The following KIR3DL1 variants were observed in gnomAD, a reference collection of about 807,000 sequenced individuals.
KIR3DL1 encodes the protein killer cell immunoglobulin-like receptor 3DL1.
Under a neutral mutation model 40.3 loss-of-function variants are expected in KIR3DL1, and 50 were observed. That is an observed-to-expected ratio of 1.24 (90% confidence interval 0.99 to 1.57). KIR3DL1 has a LOEUF of 1.57. KIR3DL1 is among the 40% of genes most tolerant of loss of function. KIR3DL1 has a pLI of 0.00. For missense variants in KIR3DL1, 661 were observed against 559.9 expected (o/e 1.18, Z -1.82); for synonymous variants, 257 against 207.2 (o/e 1.24, Z -2.07).
At chr19:54,818,926 A>G (rs62124095) in intron 3 of KIR3DL1, among the ~76,000 whole-genome samples, 28,770 of 146,476 alleles carry the variant, frequency 0.2, 3,144 homozygotes, top group South Asian at 0.31. Flanking sequence ...ACAAGGGTCC[A>G]CATGAGAGGT....
At chr19:54,822,962 C>T (rs2061711351) in intron 5 of KIR3DL1, among the ~76,000 whole-genome samples, 3 of 148,874 alleles carry the variant, frequency 2.0e-5, no homozygotes, top group East Asian at 2.0e-4. Context: ...GATATCACTT[C>T]GATACACTGA....
intron 6 of KIR3DL1, among the ~76,000 whole-genome samples, chr19:54,829,006 G>A (rs73618345): frequency 1.4e-5 from 2 of 141,910 alleles, no homozygotes; most frequent in South Asian, 2.5e-4. Flanking sequence ...AACTAATAGA[G>A]AGGGAACTTG....
At chr19:54,830,189 A>G in exon 9 of KIR3DL1, 2 of 1,524,614 alleles carry the variant, frequency 1.3e-6, no homozygotes, top group Non-Finnish European at 1.8e-6. Context: ...CCCTTCTCAG[A>G]GGCCCAAGAC....
chr19:54,829,285 A>G lies in KIR3DL1; in HGVS notation c.1001-76A>G. On this transcript the variant is annotated intron_variant, in intron 6 of 8. Transcript: ENST00000391728. ...GAGATGCTGTAAGTGGTTACCTGTC[A>G]ATCAAGAAATGCAAGACAATTCATA... 2.5e-6 allele frequency: 3 copies of G among 1,219,326 alleles called. 1 individual carries two copies. Among genetic ancestry groups the G allele is most frequent in the Non-Finnish European group, 1.2e-6 (1 of 861,692 alleles). 75.5% of individuals were successfully genotyped at this position (1,219,326 alleles called of 1,614,324 possible).
In KIR3DL1 at chr19:54,830,340, G is replaced by A; in HGVS notation, c.*65G>A. On this transcript the variant is annotated 3_prime_UTR_variant, in exon 9 of 9. Transcript: ENST00000391728. ...AACAGCCCTGTCTCAAAACCGAGTT[G>A]CCAGCTCCCATGTACCAGCAGCTGG... 1.4e-6 allele frequency: 2 copies of A among 1,458,838 alleles called. 1 individual carries two copies. 90.4% of individuals were successfully genotyped at this position (1,458,838 alleles called of 1,614,324 possible). A position where few individuals can be genotyped will look rare whatever the true frequency, so the allele number is the denominator to read the frequency against.
chr19:54,818,463 C>T (rs568050080), exon 3 of KIR3DL1: 13 of 1,608,520 alleles, frequency 8.1e-6, no homozygotes, highest in Middle Eastern at 3.3e-4. Flanking sequence ...TCTTCCATGG[C>T]AGAATATTCC....
At chr19:54,820,695 G>A (rs1448670699) in intron 4 of KIR3DL1, among the ~76,000 whole-genome samples, 3 of 151,170 alleles carry the variant, frequency 2.0e-5, no homozygotes, top group African/African-American at 4.9e-5. Flanking sequence ...AGGAGATTAA[G>A]AGATTCACAG....
chr19:54,824,548 G>C (rs1038664466), intron 5 of KIR3DL1, among the ~76,000 whole-genome samples: 11 of 151,278 alleles, frequency 7.3e-5, no homozygotes, highest in African/African-American at 2.2e-4. Context: ...ATGGTGACCA[G>C]TGCCTGTAAT....
intron 6 of KIR3DL1, among the ~76,000 whole-genome samples, chr19:54,826,586 C>T (rs2061902581): frequency 6.8e-6 from 1 of 147,278 alleles, no homozygotes; most frequent in African/African-American, 2.6e-5. Flanking sequence ...ACCCAAAGTA[C>T]TGGGATTACA....
At chr19:54,823,027 T>A (rs1236075699) in intron 5 of KIR3DL1, among the ~76,000 whole-genome samples, 2 of 134,530 alleles carry the variant, frequency 1.5e-5, no homozygotes, top group African/African-American at 2.6e-5. Context: ...ACTATGAAAG[T>A]TCTCTTTTTT....
chr19:54,820,524 C>G (rs1223944710), intron 4 of KIR3DL1, among the ~76,000 whole-genome samples: 2 of 151,408 alleles, frequency 1.3e-5, no homozygotes, highest in Non-Finnish European at 2.9e-5. Flanking sequence ...GGCCCCTGAA[C>G]ACCAACCCCT....
At position 54,826,760 on chromosome 19, in the gene KIR3DL1, A is replaced by G. The variant is rs573336009; in HGVS notation, c.1000+1682A>G. Among the ~76,000 whole-genome samples, 110 of 149,604 alleles carry G rather than the reference A, an allele frequency of 7.4e-4. 4 individuals carry two copies. Among genetic ancestry groups the G allele is most frequent in the African/African-American group, 2.5e-3 (103 of 40,502 alleles). On this transcript the variant is annotated intron_variant, in intron 6 of 8. Transcript: ENST00000391728. ...ATTGGCGGAAGGATTTTCCACACAC[A>G]GCTGTCAGCCGTGAAGGCAGAAAGC...
chr19:54,822,865 C>A lies in KIR3DL1; in HGVS notation c.949+1007C>A, dbSNP rs1179905757. Among the ~76,000 whole-genome samples, 3 of 140,656 alleles carry A rather than the reference C, an allele frequency of 2.1e-5. 1 individual carries two copies. The highest frequency in any genetic ancestry group is 5.3e-5 in the African/African-American group (2 of 37,858). The allele number at this position is 140,656 out of a possible 152,430, so 92.3% of individuals were successfully genotyped here. ...TCCACTGTGTGTGTGTACCACAGTT[C>A]TCTATCCATTCACCCACTGATGGGC... is the stretch of plus-strand genomic sequence containing the variant. On this transcript the variant is annotated intron_variant, in intron 5 of 8. Transcript: ENST00000391728.
chr19:54,830,067 C>T, intron 8 of KIR3DL1, 32 bp from the exon 9 acceptor site: 1 of 1,522,790 alleles, frequency 6.6e-7, no homozygotes, highest in African/African-American at 1.4e-5. Flanking sequence ...CTCAGCATTT[C>T]CCTCCCTCAC....
Position 54,818,461 on chromosome 19 carries a change from G to A in KIR3DL1, c.217G>A (p.Gly73Ser), listed in dbSNP as rs755378071. 9 of 1,608,296 alleles carry A rather than the reference G, an allele frequency of 5.6e-6. No individual in the cohort carries two copies. Among genetic ancestry groups the A allele is most frequent in the African/African-American group, 1.4e-5 (1 of 73,022 alleles). ...CAGAATCCACATTCCCATCTTCCAT[G>A]GCAGAATATTCCAGGAGAGCTTCAA... The change falls in exon 3 of 9, where the codon GGC becomes AGC. Residue 73 changes from glycine (G) to serine (S), a missense_variant. Gly to Ser is a moderately conservative substitution (Grantham distance 56). Coordinates refer to ENST00000391728, the Ensembl canonical transcript of KIR3DL1.
intron 6 of KIR3DL1, among the ~76,000 whole-genome samples, chr19:54,828,721 T>C (rs1396884131): frequency 6.7e-6 from 1 of 148,390 alleles, no homozygotes; most frequent in Non-Finnish European, 1.5e-5. Context: ...CTCAGGACTT[T>C]GCTGTCTTAG....
intron 6 of KIR3DL1, among the ~76,000 whole-genome samples, chr19:54,827,605 A>C (rs1355010397): frequency 2.0e-5 from 3 of 150,366 alleles, no homozygotes; most frequent in Admixed American, 2.0e-4. Context: ...ACACAAGGAG[A>C]CTCCATCTCA....
At chr19:54,824,790 C>T (rs1298957007) in intron 5 of KIR3DL1, among the ~76,000 whole-genome samples, 1 of 149,874 alleles carries the variant, frequency 6.7e-6, no homozygotes, top group African/African-American at 2.5e-5. Flanking sequence ...GTTTTGCTTA[C>T]TACAGCTCTG....
chr19:54,823,556 G>T (rs1190696667), intron 5 of KIR3DL1, among the ~76,000 whole-genome samples: 3 of 151,328 alleles, frequency 2.0e-5, no homozygotes, highest in Non-Finnish European at 2.9e-5. Context: ...GGAGTGCAAG[G>T]GTGTGATCTC....
Sources: allele counts gnomAD v4.1 joint callset (sites outside exome capture counted in the v4.1 genomes callset), GRCh38; gene constraint gnomAD v4.1.1; transcripts MANE v1.5; gene names NCBI Gene and HGNC (gene_info 2026-07-23, HGNC 2026-07-21).